DDX21: variants seen among roughly 807,000 people sequenced by gnomAD.
The protein encoded by DDX21 is DExD-box helicase 21.
DDX21 carries 18 observed loss-of-function variants against 90.0 expected under a neutral mutation model. That is an observed-to-expected ratio of 0.20 (90% CI 0.14 to 0.30). The LOEUF (loss-of-function observed/expected upper bound fraction) is 0.30. Ranked by LOEUF, DDX21 falls within the 10% of genes least tolerant of loss-of-function variation. DDX21 has a pLI of 1.00. For synonymous variants in DDX21, 294 were observed against 318.0 expected (o/e 0.92, Z 0.80); for missense variants, 673 against 944.5 (o/e 0.71, Z 3.77).
Position 68,982,702 on chromosome 10 carries a change from C to G in DDX21, c.2242C>G (p.Arg748Gly), listed in dbSNP as rs61755356. The change falls in exon 15 of 15, where the codon CGG (arginine) becomes GGG (glycine). Residue 748 changes from arginine to glycine, a missense_variant. Physicochemically the swap from Arg to Gly is moderately radical, Grantham distance 125. Coordinates refer to ENST00000354185, the MANE Select transcript of DDX21 (RefSeq NM_004728.4). The stretch of plus-strand genomic sequence containing the variant: ...CGGAAACAGAAGATTCAGAGGACAG[C>G]GGGAAGGCAGTAGAGGCCCGAGAGG... ...RDGNRRFRGQ[R>G]EGSRGPRGQR... 2 of 1,613,800 alleles carry G rather than the reference C, an allele frequency of 1.2e-6. No individual in the cohort carries two copies. Among genetic ancestry groups the G allele is most frequent in the Non-Finnish European group, 1.7e-6 (2 of 1,179,980 alleles).
chr10:68,958,279 A>AT (rs1038694028), intron 1 of DDX21, among the ~76,000 whole-genome samples: 1 of 151,052 alleles, frequency 6.6e-6, no homozygotes, highest in Non-Finnish European at 1.5e-5. Flanking sequence ...CTGCCCTTTT[A>AT]TTTTTTGTAG....
chr10:68,973,777 C>T, intron 10 of DDX21, 113 bp downstream of exon 10: 1 of 1,373,682 alleles, frequency 7.3e-7, no homozygotes, highest in Non-Finnish European at 9.7e-7. Context: ...GTGGCAATGA[C>T]TGAAAGCTTA....
At chr10:68,963,582 T>C in intron 4 of DDX21, 113 bp downstream of exon 4, 3 of 893,494 alleles carry the variant, frequency 3.4e-6, no homozygotes, top group Non-Finnish European at 3.2e-6. Context: ...CCATTCTATT[T>C]ACTGTGGATC....
In DDX21 at chr10:68,960,005, G is replaced by C. The variant is rs374126084; in HGVS notation, c.287G>C (p.Arg96Thr). 6.2e-5 allele frequency: 100 copies of C among 1,605,022 alleles called. No homozygotes were observed. The highest frequency in any genetic ancestry group is 8.1e-5 in the Non-Finnish European group (96 of 1,178,216). The change falls in exon 2 of 15, where the codon AGA (arginine) becomes ACA (threonine). Residue 96 changes from arginine (R) to threonine (T), a missense_variant. By Grantham distance (71) the Arg-to-Thr change is moderately conservative. Transcript: ENST00000354185. The stretch of plus-strand genomic sequence containing the variant: ...ATTTCTCCTAAAACCAAAAGTTTGA[G>C]AAAGAAAAAGGAGCCCATTGAAAAG... ...NDISPKTKSL[R>T]KKKEPIEKKV...
At chr10:68,956,669 T>G in intron 1 of DDX21, 1 of 1,094,206 alleles carries the variant, frequency 9.1e-7, no homozygotes. Flanking sequence ...GAGTTGGACC[T>G]TCAGTCAGGC....
chr10:68,959,743 G>T (rs974385695), intron 1 of DDX21, 63 bp from the exon 2 acceptor site: 1 of 1,184,566 alleles, frequency 8.4e-7, no homozygotes. Flanking sequence ...CAGAATTGAT[G>T]AATGTTGCAA....
Position 68,962,173 on chromosome 10 carries a change from AT to A in DDX21, c.607+17del. ...CTTCTCAAAGGTAATGTTCTTGGAA[AT>A]ATCGTATGATGTTAGAACGTATTAT... On this transcript the variant is annotated intron_variant, in intron 3 of 14. Coordinates refer to ENST00000354185, the MANE Select transcript of DDX21 (RefSeq NM_004728.4). 6.5e-7 allele frequency: 1 copy of A among 1,547,734 alleles called. No homozygotes were observed. Among genetic ancestry groups the A allele is most frequent in the East Asian group, 2.3e-5 (1 of 44,438 alleles).
intron 11 of DDX21, among the ~76,000 whole-genome samples, 172 bp downstream of exon 11, chr10:68,974,915 G>T (rs1034947303): frequency 6.6e-6 from 1 of 151,934 alleles, no homozygotes; most frequent in Non-Finnish European, 1.5e-5. Context: ...AGTCCTCCCA[G>T]CTCAGCCTCC....
intron 1 of DDX21, chr10:68,956,691 G>A: frequency 1.9e-6 from 2 of 1,058,530 alleles, no homozygotes; most frequent in South Asian, 6.0e-5. Flanking sequence ...CCACGTTGTT[G>A]GCTAAGACAG....
chr10:68,960,317 G>T, intron 2 of DDX21, 68 bp downstream of exon 2: 2 of 1,467,238 alleles, frequency 1.4e-6, no homozygotes, highest in Non-Finnish European at 1.8e-6. Flanking sequence ...GTAGGTAACT[G>T]CTATATGTAC....
chr10:68,969,710 A>G (rs370082739), intron 7 of DDX21, among the ~76,000 whole-genome samples: 19 of 152,214 alleles, frequency 1.2e-4, no homozygotes, highest in African/African-American at 4.6e-4. Context: ...CAGCAGAGAA[A>G]TCTAGTGCTT....
At chr10:68,978,301 C>T (rs1484520506) in intron 12 of DDX21, among the ~76,000 whole-genome samples, 1 of 151,978 alleles carries the variant, frequency 6.6e-6, no homozygotes, top group Admixed American at 6.6e-5. Flanking sequence ...TTAGATAGTG[C>T]TGAATGGTTG....
At chr10:68,962,224 T>C (rs1842880923) in intron 3 of DDX21, 67 bp downstream of exon 3, 3 of 1,236,556 alleles carry the variant, frequency 2.4e-6, no homozygotes, top group Non-Finnish European at 3.5e-6. Context: ...TCCACTATTT[T>C]TGTTAAGATG....
chr10:68,978,253 A>T (rs1488974644), intron 12 of DDX21, among the ~76,000 whole-genome samples: 1 of 152,212 alleles, frequency 6.6e-6, no homozygotes, highest in African/African-American at 2.4e-5. Flanking sequence ...TAATGGATGC[A>T]GGATTCTTTT....
intron 1 of DDX21, among the ~76,000 whole-genome samples, chr10:68,958,314 G>A (rs1842828078): frequency 6.6e-6 from 1 of 152,036 alleles, no homozygotes; most frequent in Non-Finnish European, 1.5e-5. Flanking sequence ...TGTCACCCAA[G>A]CTAGAGTGCA....
intron 11 of DDX21, among the ~76,000 whole-genome samples, chr10:68,975,784 C>G (rs1843089636): frequency 6.6e-6 from 1 of 152,002 alleles, no homozygotes; most frequent in South Asian, 2.1e-4. Context: ...TGCGGTGGCT[C>G]ACACCTGTAA....
chr10:68,964,112 A>G (rs1395918912), intron 4 of DDX21: 23 of 429,608 alleles, frequency 5.4e-5, no homozygotes, highest in Non-Finnish European at 7.8e-5. Context: ...AAAAAAAAAA[A>G]AAAAAAAAGA....
intron 1 of DDX21, among the ~76,000 whole-genome samples, chr10:68,956,932 C>T (rs1400091561): frequency 6.6e-6 from 1 of 151,862 alleles, no homozygotes; most frequent in Non-Finnish European, 1.5e-5. Context: ...GTCCCAGCTA[C>T]TCGGGAGGCT....
intron 9 of DDX21, among the ~76,000 whole-genome samples, chr10:68,973,200 A>G (rs1325209007): frequency 6.7e-6 from 1 of 149,344 alleles, no homozygotes; most frequent in East Asian, 1.9e-4. Context: ...GTCTCAAAAG[A>G]AAAAAAAAAG....
Sources: gnomAD v4.1 joint callset for allele counts (sites outside exome capture counted in the v4.1 genomes callset) on GRCh38, gnomAD v4.1.1 for gene constraint, MANE v1.5 for transcripts, NCBI Gene and HGNC (gene_info 2026-07-23, HGNC 2026-07-21) for gene names.